The following NBEA variants were observed in gnomAD, a reference collection of about 807,000 sequenced individuals.
NBEA encodes lysosomal-trafficking regulator 2.
Under a neutral mutation model 343.4 loss-of-function variants are expected in NBEA, and 44 were observed. The observed-to-expected ratio is 0.13, with a 90% CI of 0.10 to 0.16. The LOEUF is 0.16. NBEA is among the 10% of genes least tolerant of loss of function. The probability of loss-of-function intolerance (pLI) is 1.00; values close to 1 mark genes in which losing one functional copy is unlikely to be tolerated. For missense variants in NBEA, 2,555 were observed against 3,631.3 expected, an observed-to-expected ratio of 0.70 and a Z score of 7.62; for synonymous variants, 1,175 against 1,238.7, an observed-to-expected ratio of 0.95 and a Z score of 1.08.
chr13:35,005,216 A>ATTTTT (rs36067182), intron 1 of NBEA, among the ~76,000 whole-genome samples: 2 of 145,314 alleles, frequency 1.4e-5, no homozygotes, highest in Non-Finnish European at 3.0e-5. Context: ...CACAGGGCAG[A>ATTTTT]TTTTTTTTTT....
At chr13:35,409,725 A>G (rs1484585136) in intron 38 of NBEA, among the ~76,000 whole-genome samples, 1 of 152,170 alleles carries the variant, frequency 6.6e-6, no homozygotes, top group African/African-American at 2.4e-5. Context: ...TGCAGTGAGC[A>G]ATACAGGGGA....
At chr13:35,627,404 G>A (rs1304238285) in intron 48 of NBEA, among the ~76,000 whole-genome samples, 1 of 152,078 alleles carries the variant, frequency 6.6e-6, no homozygotes, top group Non-Finnish European at 1.5e-5. Flanking sequence ...GACACCTCTA[G>A]GAAGCTTCTG....
intron 1 of NBEA, among the ~76,000 whole-genome samples, chr13:35,019,348 A>AT (rs2061757144): frequency 6.7e-6 from 1 of 148,816 alleles, no homozygotes; most frequent in East Asian, 2.0e-4. Flanking sequence ...CCCAGGCTGG[A>AT]GTGCAGTGGT....
chr13:35,512,941 G>C (rs769525799), intron 41 of NBEA, among the ~76,000 whole-genome samples: 17 of 152,042 alleles, frequency 1.1e-4, no homozygotes, highest in Non-Finnish European at 2.2e-4. Flanking sequence ...TCTAAGTTGT[G>C]CTTTGGGAAA....
intron 8 of NBEA, among the ~76,000 whole-genome samples, chr13:35,069,104 C>T (rs2063766817): frequency 6.6e-6 from 1 of 152,130 alleles, no homozygotes; most frequent in Admixed American, 6.6e-5. Flanking sequence ...ACTATCGAAA[C>T]ATTGAATATG....
intron 36 of NBEA, among the ~76,000 whole-genome samples, chr13:35,332,887 C>T (rs1390193560): frequency 1.3e-5 from 2 of 152,076 alleles, no homozygotes; most frequent in African/African-American, 4.8e-5. Context: ...AGTGTTAGGA[C>T]TCCTTCGTGG....
At chr13:35,027,550 T>C (rs182559886) in intron 1 of NBEA, among the ~76,000 whole-genome samples, 3 of 152,148 alleles carry the variant, frequency 2.0e-5, no homozygotes, top group Non-Finnish European at 4.4e-5. Context: ...CCAGCTTCTT[T>C]ACTGTTGATT....
chr13:35,293,921 T>A (rs1044185111), intron 35 of NBEA, among the ~76,000 whole-genome samples: 1 of 151,188 alleles, frequency 6.6e-6, no homozygotes, highest in African/African-American at 2.4e-5. Context: ...TGAGAAACTG[T>A]ACATTTAAAA....
chr13:35,034,169 G>A (rs2062350936), intron 1 of NBEA, among the ~76,000 whole-genome samples: 1 of 151,656 alleles, frequency 6.6e-6, no homozygotes, highest in Admixed American at 6.6e-5. Context: ...GCTTTTTGTT[G>A]TGTTGAGGTA....
At chr13:35,669,413 G>A (rs1011708738) in intron 58 of NBEA, among the ~76,000 whole-genome samples, 5 of 152,050 alleles carry the variant, frequency 3.3e-5, no homozygotes, top group Non-Finnish European at 5.9e-5. Flanking sequence ...TAAATATTAA[G>A]ACATAATAAA....
chr13:35,653,005 T>C (rs960303643), intron 53 of NBEA, among the ~76,000 whole-genome samples: 9 of 151,918 alleles, frequency 5.9e-5, no homozygotes, highest in Non-Finnish European at 1.2e-4. Flanking sequence ...CCTCTGGCAG[T>C]CTTTATCACT....
intron 40 of NBEA, among the ~76,000 whole-genome samples, chr13:35,469,303 G>T (rs1409197682): frequency 6.6e-6 from 1 of 151,890 alleles, no homozygotes; most frequent in African/African-American, 2.4e-5. Context: ...CCATGATGAG[G>T]TTTACCATCT....
intron 35 of NBEA, among the ~76,000 whole-genome samples, chr13:35,292,724 A>G (rs745341326): frequency 7.2e-5 from 11 of 152,056 alleles, no homozygotes; most frequent in Non-Finnish European, 1.5e-4. Context: ...TTGATATACT[A>G]TGTGTATATT....
chr13:35,410,164 C>A (rs1566090489), intron 38 of NBEA, among the ~76,000 whole-genome samples: 1 of 152,116 alleles, frequency 6.6e-6, no homozygotes, highest in African/African-American at 2.4e-5. Context: ...AAATGCATCT[C>A]AGTGATGTAT....
At chr13:35,296,130 G>C (rs917029746) in intron 35 of NBEA, among the ~76,000 whole-genome samples, 2 of 151,978 alleles carry the variant, frequency 1.3e-5, no homozygotes, top group African/African-American at 4.8e-5. Flanking sequence ...GGTGGCTCAC[G>C]CCTGTAATCC....
intron 41 of NBEA, among the ~76,000 whole-genome samples, chr13:35,533,621 T>G (rs2078380284): frequency 6.6e-6 from 1 of 152,214 alleles, no homozygotes; most frequent in Non-Finnish European, 1.5e-5. Flanking sequence ...TTACCTCAAA[T>G]TCTAGCTTAT....
At chr13:35,528,765 C>T (rs914217479) in intron 41 of NBEA, among the ~76,000 whole-genome samples, 23 of 152,160 alleles carry the variant, frequency 1.5e-4, no homozygotes, top group Non-Finnish European at 8.8e-5. Context: ...TGCATTCCCA[C>T]TTCACCTCCA....
chr13:35,593,537 A>G, intron 47 of NBEA, 90 bp downstream of exon 47: 1 of 909,706 alleles, frequency 1.1e-6, no homozygotes, highest in Non-Finnish European at 1.6e-6. Flanking sequence ...GACATTTTAT[A>G]TTGCAGCTTT....
At chr13:35,426,168 G>T (rs1306842631) in intron 38 of NBEA, among the ~76,000 whole-genome samples, 2 of 152,240 alleles carry the variant, frequency 1.3e-5, no homozygotes, top group East Asian at 3.9e-4. Flanking sequence ...ATATCGTTAT[G>T]TGTGAATTTG....
Sources: gnomAD v4.1 joint callset for allele counts (sites outside exome capture counted in the v4.1 genomes callset) on GRCh38, gnomAD v4.1.1 for gene constraint, MANE v1.5 for transcripts, NCBI Gene and HGNC (gene_info 2026-07-23, HGNC 2026-07-21) for gene names.